The following GRIK2 variants were observed in gnomAD, a reference collection of about 807,000 sequenced individuals.
GRIK2 encodes glutamate ionotropic receptor kainate type subunit 2.
GRIK2 carries 32 observed loss-of-function variants against 100.3 expected under a neutral mutation model. The ratio of observed to expected loss-of-function variants is 0.32; its 90% CI spans 0.24 to 0.43. GRIK2 has a LOEUF of 0.43. Ranked by LOEUF, GRIK2 falls within the 20% of genes least tolerant of loss-of-function variation. The pLI is 1.00. For missense variants in GRIK2, 843 were observed against 1,114.9 expected (o/e 0.76, Z 3.47); for synonymous variants, 417 against 389.4 (o/e 1.07, Z -0.83).
chr6:101,643,943 A>C (rs1213137509), intron 4 of GRIK2, among the ~76,000 whole-genome samples: 1 of 151,812 alleles, frequency 6.6e-6, no homozygotes, highest in Non-Finnish European at 1.5e-5. Flanking sequence ...GATTCTTTCT[A>C]TAGCAGTACA....
chr6:101,678,648 T>C (rs1771015388), intron 5 of GRIK2, among the ~76,000 whole-genome samples: 1 of 152,156 alleles, frequency 6.6e-6, no homozygotes, highest in South Asian at 2.1e-4. Flanking sequence ...GGTCCTATTT[T>C]GTGATTTGTG....
intron 14 of GRIK2, among the ~76,000 whole-genome samples, chr6:102,018,202 T>C (rs1308341999): frequency 6.6e-6 from 1 of 152,114 alleles, no homozygotes; most frequent in Non-Finnish European, 1.5e-5. Context: ...TTATTAGATC[T>C]CAGGCTTTTG....
chr6:101,464,244 C>T (rs1018787505), intron 2 of GRIK2, among the ~76,000 whole-genome samples: 15 of 152,136 alleles, frequency 9.9e-5, no homozygotes. Flanking sequence ...AGATATCCTA[C>T]ACAAGCTCAG....
chr6:102,015,767 C>T (rs1397511858), intron 14 of GRIK2, among the ~76,000 whole-genome samples: 1 of 152,152 alleles, frequency 6.6e-6, no homozygotes, highest in African/African-American at 2.4e-5. Context: ...GACCAGTGGT[C>T]CAGGAGCACT....
At chr6:101,735,702 G>C (rs969683171) in intron 7 of GRIK2, among the ~76,000 whole-genome samples, 1 of 152,140 alleles carries the variant, frequency 6.6e-6, no homozygotes, top group Non-Finnish European at 1.5e-5. Flanking sequence ...AATTATGAGA[G>C]CTATAAGATG....
intron 4 of GRIK2, among the ~76,000 whole-genome samples, chr6:101,646,053 A>G (rs538319753): frequency 2.4e-4 from 37 of 151,300 alleles, no homozygotes; most frequent in Admixed American, 1.7e-3. Context: ...GTGACTGCCC[A>G]TTCTTCTCAT....
At chr6:102,062,668 C>T (rs1771813663) in intron 16 of GRIK2, among the ~76,000 whole-genome samples, 1 of 150,462 alleles carries the variant, frequency 6.6e-6, no homozygotes, top group African/African-American at 2.4e-5. Flanking sequence ...TTTAGCCAGT[C>T]ATTTTCCATC....
chr6:101,595,218 G>T (rs1231837235), intron 2 of GRIK2, among the ~76,000 whole-genome samples: 3 of 151,688 alleles, frequency 2.0e-5, no homozygotes, highest in African/African-American at 7.2e-5. Flanking sequence ...AAAACAGGGA[G>T]AGAAGAAAGG....
intron 7 of GRIK2, among the ~76,000 whole-genome samples, chr6:101,699,009 C>T (rs565263850): frequency 7.9e-5 from 12 of 152,108 alleles, no homozygotes; most frequent in Non-Finnish European, 1.5e-4. Flanking sequence ...GTCAAAGAAA[C>T]TCAGAAACTT....
At chr6:101,824,619 T>C (rs9498722) in intron 10 of GRIK2, among the ~76,000 whole-genome samples, 27,982 of 152,206 alleles carry the variant, frequency 0.18, 4,611 homozygotes, top group African/African-American at 0.45. Flanking sequence ...CTTCTTTTGT[T>C]GACTAGTAAC....
At chr6:101,987,795 A>G (rs935584634) in intron 14 of GRIK2, among the ~76,000 whole-genome samples, 2 of 151,414 alleles carry the variant, frequency 1.3e-5, no homozygotes, top group Non-Finnish European at 3.0e-5. Flanking sequence ...CATAAATACA[A>G]TTTCTATAAC....
intron 2 of GRIK2, among the ~76,000 whole-genome samples, chr6:101,484,260 A>G (rs888600453): frequency 6.6e-6 from 1 of 152,168 alleles, no homozygotes; most frequent in African/African-American, 2.4e-5. Context: ...GCTCCTTAAT[A>G]CATTTATAAC....
chr6:101,808,821 G>T (rs1363012809), intron 9 of GRIK2, among the ~76,000 whole-genome samples: 2 of 151,762 alleles, frequency 1.3e-5, no homozygotes, highest in African/African-American at 4.8e-5. Flanking sequence ...GAGGGACCTT[G>T]AAGCATTTGG....
intron 6 of GRIK2, among the ~76,000 whole-genome samples, chr6:101,684,709 G>GA (rs1208942907): frequency 6.8e-6 from 1 of 146,458 alleles, no homozygotes; most frequent in Non-Finnish European, 1.5e-5. Flanking sequence ...AAAGAAATGG[G>GA]AAAATCTGGA....
chr6:101,724,026 A>G (rs1055535180), intron 7 of GRIK2, among the ~76,000 whole-genome samples: 3 of 151,730 alleles, frequency 2.0e-5, no homozygotes, highest in Admixed American at 6.6e-5. Flanking sequence ...TAGACTAGCC[A>G]TATTTATCTT....
chr6:101,937,198 CAT>C (rs1046093659), intron 14 of GRIK2, among the ~76,000 whole-genome samples: 2 of 152,090 alleles, frequency 1.3e-5, no homozygotes, highest in African/African-American at 2.4e-5. Flanking sequence ...CCTTGGAAAA[CAT>C]GTGCATGAGG....
intron 2 of GRIK2, among the ~76,000 whole-genome samples, chr6:101,615,144 CT>C (rs1779836181): frequency 6.7e-6 from 1 of 149,744 alleles, no homozygotes; most frequent in African/African-American, 2.5e-5. Flanking sequence ...TCCTCTCCTT[CT>C]TTTTTTCTTC....
At position 102,069,328 on chromosome 6, in the gene GRIK2, TAATA is replaced by T. The variant is rs1179746942; in HGVS notation, c.*819_*822del. The T allele has an allele frequency of 6.8e-6, 1 of 147,658 alleles. No individual in the cohort carries two copies. The highest frequency in any genetic ancestry group is 1.5e-5 in the Non-Finnish European group (1 of 67,096). The allele number at this position is 147,658 out of a possible 1,614,324, so 9.1% of individuals were successfully genotyped here. ...ATAATAATAATAATAATAATAATAA[TAATA>T]ATAATAAAAGCAGTTGGTTCAGTGA... On this transcript the variant is annotated 3_prime_UTR_variant, in exon 17 of 17. Transcript: ENST00000369134.
intron 14 of GRIK2, among the ~76,000 whole-genome samples, chr6:101,988,816 A>G (rs1364690322): frequency 1.3e-5 from 2 of 151,938 alleles, no homozygotes; most frequent in African/African-American, 4.8e-5. Flanking sequence ...AACTGCATAA[A>G]TACTATAGAT....
Sources: gnomAD v4.1 joint callset for allele counts (sites outside exome capture counted in the v4.1 genomes callset) on GRCh38, gnomAD v4.1.1 for gene constraint, MANE v1.5 for transcripts, NCBI Gene and HGNC (gene_info 2026-07-23, HGNC 2026-07-21) for gene names.